VDAC2: variants seen among roughly 807,000 people sequenced by gnomAD.
The protein encoded by VDAC2 is voltage dependent anion channel 2.
VDAC2 carries 6 observed loss-of-function variants against 36.6 expected under a neutral mutation model. That is an observed-to-expected ratio of 0.16 (90% CI 0.09 to 0.32). The LOEUF is 0.32. Among genes scored for constraint, VDAC2 ranks in the 10% least tolerant of loss-of-function variants. The pLI is 1.00. For synonymous variants in VDAC2, 109 were observed against 123.8 expected, an observed-to-expected ratio of 0.88 and a Z score of 0.79; for missense variants, 247 against 346.0, an observed-to-expected ratio of 0.71 and a Z score of 2.27.
chr10:75,213,630 A>G (rs531018997), intron 3 of VDAC2, among the ~76,000 whole-genome samples: 49 of 152,144 alleles, frequency 3.2e-4, no homozygotes, highest in African/African-American at 1.1e-3. Context: ...TGTAGTCCCA[A>G]CTACTCGGGA....
intron 3 of VDAC2, among the ~76,000 whole-genome samples, chr10:75,212,626 C>G (rs1230385870): frequency 6.6e-6 from 1 of 152,078 alleles, no homozygotes; most frequent in Non-Finnish European, 1.5e-5. Flanking sequence ...CACTGTGTTA[C>G]CCAGTAAACA....
At chr10:75,227,577 AT>A (rs35378957) in intron 8 of VDAC2, among the ~76,000 whole-genome samples, 238 of 99,926 alleles carry the variant, frequency 2.4e-3, no homozygotes, top group Non-Finnish European at 3.3e-3. Flanking sequence ...AATAATAGGA[AT>A]TTTTTTTTTT....
rs951053993 is a variant in VDAC2 at position 75,210,932 on chromosome 10, C to A, written c.-32C>A. 1 of 438,830 alleles carries A rather than the reference C, an allele frequency of 2.3e-6. No homozygotes were observed. Among genetic ancestry groups the A allele is most frequent in the Non-Finnish European group, 4.0e-6 (1 of 248,166 alleles). 27.2% of individuals were successfully genotyped at this position (438,830 alleles called of 1,614,324 possible). A position where few individuals can be genotyped will look rare whatever the true frequency, so the allele number is the denominator to read the frequency against. On this transcript the variant is annotated 5_prime_UTR_variant, in exon 1 of 10. Transcript: ENST00000332211. ...GGTGGCGGCGGCCCCCCTCAGGACA[C>A]CACCAGGTACCGCCGCGCCCGCCTC...
intron 8 of VDAC2, chr10:75,229,214 G>A (rs1269211280): frequency 1.3e-5 from 2 of 152,062 alleles, no homozygotes; most frequent in African/African-American, 4.9e-5. Context: ...GAAGAGTCCT[G>A]GAAGTAGTAA....
chr10:75,214,581 A>G (rs770636943), intron 4 of VDAC2, among the ~76,000 whole-genome samples: 14 of 151,902 alleles, frequency 9.2e-5, no homozygotes, highest in East Asian at 1.9e-4. Context: ...CTGGAGTGCA[A>G]TGGTGTGATT....
At chr10:75,216,557 C>G (rs1367008427) in intron 4 of VDAC2, among the ~76,000 whole-genome samples, 3 of 152,292 alleles carry the variant, frequency 2.0e-5, no homozygotes, top group African/African-American at 7.2e-5. Context: ...TGTTTTCTTA[C>G]CTGAACAGCA....
At chr10:75,220,289 A>T (rs571649772) in intron 6 of VDAC2, among the ~76,000 whole-genome samples, 6 of 151,744 alleles carry the variant, frequency 4.0e-5, no homozygotes, top group Admixed American at 6.6e-5. Context: ...TTGTATTTTT[A>T]GTAGAGACGG....
At chr10:75,211,553 C>T (rs1841421863) in intron 2 of VDAC2, 1 of 1,550,574 alleles carries the variant, frequency 6.4e-7, no homozygotes, top group African/African-American at 1.4e-5. Context: ...TACTTGTGCT[C>T]CTAAGGGCGT....
At chr10:75,211,241 G>T (rs775765714) in intron 2 of VDAC2, 52 bp downstream of exon 2, 1 of 1,599,844 alleles carries the variant, frequency 6.3e-7, no homozygotes. Context: ...GTCGAAGCCT[G>T]TCGACCAGAA....
At chr10:75,222,181 A>G in intron 7 of VDAC2, 71 bp from the exon 8 acceptor site, 5 of 1,455,506 alleles carry the variant, frequency 3.4e-6, no homozygotes, top group Non-Finnish European at 4.7e-6. Flanking sequence ...ATGTAATGCT[A>G]CAAATCAGCC....
chr10:75,211,801 G>A (rs1841432469), intron 2 of VDAC2: 1 of 1,094,276 alleles, frequency 9.1e-7, no homozygotes. Flanking sequence ...TTTCCCCTCA[G>A]CGAAGATATT....
chr10:75,213,139 C>T (rs1191250779), intron 3 of VDAC2, among the ~76,000 whole-genome samples: 1 of 152,054 alleles, frequency 6.6e-6, no homozygotes, highest in Non-Finnish European at 1.5e-5. Context: ...AGTACAGGGG[C>T]GTGATCTCGG....
chr10:75,217,539 G>A (rs1360572766), intron 4 of VDAC2, among the ~76,000 whole-genome samples: 5 of 152,114 alleles, frequency 3.3e-5, no homozygotes, highest in South Asian at 2.1e-4. Flanking sequence ...CACCATGCCC[G>A]GCTAATTTTT....
At chr10:75,222,588 C>A (rs1024179451) in intron 8 of VDAC2, among the ~76,000 whole-genome samples, 186 bp downstream of exon 8, 2 of 152,170 alleles carry the variant, frequency 1.3e-5, no homozygotes, top group African/African-American at 4.8e-5. Context: ...CCAGGCCAGG[C>A]TGGTGGAGTT....
chr10:75,229,563 G>A, intron 8 of VDAC2, 81 bp from the exon 9 acceptor site: 2 of 1,126,296 alleles, frequency 1.8e-6, no homozygotes, highest in Non-Finnish European at 2.6e-6. Context: ...AACACTTCAT[G>A]ATTACATGAT....
At chr10:75,215,356 CTT>C (rs894316957) in intron 4 of VDAC2, among the ~76,000 whole-genome samples, 11 of 143,364 alleles carry the variant, frequency 7.7e-5, no homozygotes, top group East Asian at 6.1e-4. Flanking sequence ...GAGAGAGAGA[CTT>C]TTTTTTTTTT....
intron 4 of VDAC2, among the ~76,000 whole-genome samples, chr10:75,218,535 G>T (rs560697254): frequency 2.6e-5 from 4 of 152,306 alleles, no homozygotes; most frequent in Admixed American, 1.3e-4. Flanking sequence ...GCCGAGGTGG[G>T]TGGATCACCT....
At position 75,210,936 on chromosome 10, in the gene VDAC2, C is replaced by CA; in HGVS notation, c.-27dup. ...GCGGCGGCCCCCCTCAGGACACCAC[C>CA]AGGTACCGCCGCGCCCGCCTCACGC... On this transcript the variant is annotated splice_region_variant and 5_prime_UTR_variant, in exon 1 of 10. Coordinates refer to ENST00000332211, the MANE Select transcript of VDAC2 (RefSeq NM_001391963.1). 4.5e-6 allele frequency: 2 copies of CA among 446,542 alleles called. No individual in the cohort carries two copies. Among genetic ancestry groups the CA allele is most frequent in the Non-Finnish European group, 7.9e-6 (2 of 253,146 alleles). 27.7% of individuals were successfully genotyped at this position (446,542 alleles called of 1,614,324 possible). A position where few individuals can be genotyped will look rare whatever the true frequency, so the allele number is the denominator to read the frequency against.
chr10:75,219,546 T>G (rs1841736916), intron 6 of VDAC2, among the ~76,000 whole-genome samples, 190 bp downstream of exon 6: 1 of 151,636 alleles, frequency 6.6e-6, no homozygotes, highest in South Asian at 2.1e-4. Flanking sequence ...TGCAGTGGCA[T>G]CATCTTGGCT....
Sources: gnomAD v4.1 joint callset for allele counts (sites outside exome capture counted in the v4.1 genomes callset) on GRCh38, gnomAD v4.1.1 for gene constraint, MANE v1.5 for transcripts, NCBI Gene and HGNC (gene_info 2026-07-23, HGNC 2026-07-21) for gene names.